The following PCDHGA3 variants were observed in gnomAD, a reference collection of about 807,000 sequenced individuals.
PCDHGA3 encodes protocadherin gamma subfamily A, 3.
Under a neutral mutation model 58.5 loss-of-function variants are expected in PCDHGA3, and 40 were observed. That is an observed-to-expected ratio of 0.68 (90% CI 0.53 to 0.89). The LOEUF (loss-of-function observed/expected upper bound fraction) is 0.89. PCDHGA3 is among the 40% of genes least tolerant of loss of function. The pLI is 0.00. For synonymous variants in PCDHGA3, 530 were observed against 525.7 expected (o/e 1.01, Z -0.11); for missense variants, 1,223 against 1,195.9 (o/e 1.02, Z -0.33).
In PCDHGA3 at chr5:141,384,503, A is replaced by T. The variant is rs761415530; in HGVS notation, c.2424+38046A>T. On this transcript the variant is annotated intron_variant, in intron 1 of 3. Coordinates refer to ENST00000253812, the MANE Select transcript of PCDHGA3 (RefSeq NM_018916.4). ...GAACTACAACTAAGAGTGACTGCACATGACAGCGGGGACCCGCCTCTCAGC... is the reference window on the plus strand; with the variant it reads ...GAACTACAACTAAGAGTGACTGCACTTGACAGCGGGGACCCGCCTCTCAGC... 155 of 1,614,074 alleles carry T rather than the reference A, an allele frequency of 9.6e-5. No individual in the cohort carries two copies. Among genetic ancestry groups the T allele is most frequent in the Non-Finnish European group, 1.3e-4 (153 of 1,180,026 alleles).
At chr5:141,500,026 T>G (rs1297397353) in intron 2 of PCDHGA3, among the ~76,000 whole-genome samples, 1 of 151,974 alleles carries the variant, frequency 6.6e-6, no homozygotes, top group Non-Finnish European at 1.5e-5. Flanking sequence ...TATATTTGAG[T>G]GAGTGTCTCT....
chr5:141,351,459 T>C lies in PCDHGA3; in HGVS notation c.2424+5002T>C, dbSNP rs770562462. On this transcript the variant is annotated intron_variant, in intron 1 of 3. Coordinates refer to ENST00000253812, the MANE Select transcript of PCDHGA3 (RefSeq NM_018916.4). ...TCCACCTCGAAGAATTATTACAAGC[T>C]GGTGATTGCTGGAGCCCTAAACCGG... 17 of 1,613,546 alleles carry C rather than the reference T, an allele frequency of 1.1e-5. No individual in the cohort carries two copies. In the South Asian group the frequency reaches 1.9e-4, roughly 18 times the overall value.
chr5:141,444,710 T>A (rs2098445001), intron 1 of PCDHGA3, among the ~76,000 whole-genome samples: 1 of 152,236 alleles, frequency 6.6e-6, no homozygotes, highest in Admixed American at 6.5e-5. Flanking sequence ...TTCTGTTGAA[T>A]TTGCTTGGTG....
chr5:141,345,795 G>C lies in PCDHGA3; in HGVS notation c.1762G>C (p.Val588Leu). 1 of 1,614,032 alleles carries C rather than the reference G, an allele frequency of 6.2e-7. No homozygotes were observed. Among genetic ancestry groups the C allele is most frequent in the African/African-American group, 1.3e-5 (1 of 75,050 alleles). ...APRSAEPGYL[V>L]TKVVAVDRDS... The stretch of plus-strand genomic sequence containing the variant: ...TCGCTCCGCAGAGCCCGGCTACCTG[G>C]TGACCAAGGTGGTGGCGGTGGACAG... The change falls in exon 1 of 4, where the codon GTG becomes CTG. Residue 588 changes from valine to leucine, a missense_variant. Physicochemically the swap from Val to Leu is conservative, Grantham distance 32. Coordinates refer to ENST00000253812, the MANE Select transcript of PCDHGA3 (RefSeq NM_018916.4).
At chr5:141,364,863 T>C in intron 1 of PCDHGA3, 2 of 1,613,952 alleles carry the variant, frequency 1.2e-6, no homozygotes, top group Non-Finnish European at 1.7e-6. Context: ...AATCTGCACT[T>C]CTCTCTGGAT....
intron 1 of PCDHGA3, chr5:141,366,661 C>A (rs976652914): frequency 1.2e-6 from 2 of 1,614,268 alleles, no homozygotes; most frequent in Admixed American, 3.3e-5. Flanking sequence ...ACTACGCAGA[C>A]ACGCTCCTTA....
chr5:141,492,220 C>T (rs1388948434), intron 1 of PCDHGA3, among the ~76,000 whole-genome samples: 2 of 152,190 alleles, frequency 1.3e-5, no homozygotes, highest in Non-Finnish European at 1.5e-5. Context: ...GGGGCTCATG[C>T]GTGTCCTCCC....
At chr5:141,399,134 A>G (rs2093758534) in intron 1 of PCDHGA3, 6 of 1,613,856 alleles carry the variant, frequency 3.7e-6, no homozygotes, top group Non-Finnish European at 5.1e-6. Flanking sequence ...ATTCAAGATG[A>G]AAATGACAAT....
chr5:141,371,629 G>A (rs749054700), intron 1 of PCDHGA3: 6 of 1,613,866 alleles, frequency 3.7e-6, no homozygotes, highest in South Asian at 1.1e-5. Context: ...GCCCTGGACC[G>A]GGAGCAGATC....
chr5:141,446,639 G>C (rs1461520959), intron 1 of PCDHGA3, among the ~76,000 whole-genome samples: 1 of 152,116 alleles, frequency 6.6e-6, no homozygotes, highest in Non-Finnish European at 1.5e-5. Context: ...ACCACGCCTG[G>C]CTAATTTTTG....
rs149314216 is a variant in PCDHGA3, at chr5:141,487,041, G to A, written c.2425-7766G>A. 2.1e-3 allele frequency: 3,442 copies of A among 1,614,128 alleles called. 3 individuals carry two copies. Among genetic ancestry groups the A allele is most frequent in the Non-Finnish European group, 2.7e-3 (3,235 of 1,180,026 alleles). ...GATCCCAGCCTGTTTGCAGTCTCTC[G>A]ATATGCTGGGGAGGTGCGGACGGCT... On this transcript the variant is annotated intron_variant, in intron 1 of 3. Transcript: ENST00000253812. The surrounding 1 kb of genome is among the most constrained non-coding windows in gnomAD (Gnocchi z 5.0).
At position 141,399,297 on chromosome 5, in the gene PCDHGA3, T is replaced by G. The variant is rs370898446; in HGVS notation, c.2424+52840T>G. On this transcript the variant is annotated intron_variant, in intron 1 of 3. Transcript: ENST00000253812. The stretch of plus-strand genomic sequence containing the variant: ...TACAAGGCGAAGTCCCTTTTAAGAT[T>G]ATCTCTTCATCCAAAAATTCGTATA... 14 of 1,613,948 alleles carry G rather than the reference T, an allele frequency of 8.7e-6. No individual in the cohort carries two copies. The East Asian group carries it at 2.9e-4, about 33-fold the overall frequency.
chr5:141,410,202 A>G (rs766392835), intron 1 of PCDHGA3: 2 of 1,614,018 alleles, frequency 1.2e-6, no homozygotes, highest in Non-Finnish European at 1.7e-6. Flanking sequence ...TTCGCAGACA[A>G]CTTGCAAGAG....
chr5:141,355,938 G>C (rs556759092), intron 1 of PCDHGA3: 1 of 1,613,878 alleles, frequency 6.2e-7, no homozygotes, highest in South Asian at 1.1e-5. Flanking sequence ...CTCAGCCCGA[G>C]TACCACGTAA....
chr5:141,408,510 A>G (rs1298660421), intron 1 of PCDHGA3: 21 of 1,613,870 alleles, frequency 1.3e-5, no homozygotes, highest in Non-Finnish European at 1.8e-5. Context: ...AGAAGATGTG[A>G]GTTGCAATTG....
At chr5:141,407,874 T>C (rs2094995185) in intron 1 of PCDHGA3, 1 of 358,496 alleles carries the variant, frequency 2.8e-6, no homozygotes, top group South Asian at 5.6e-5. Context: ...GAAGAATATA[T>C]ACATTTCGGA....
intron 1 of PCDHGA3, chr5:141,423,611 C>T: frequency 1.1e-5 from 18 of 1,611,094 alleles, no homozygotes; most frequent in Non-Finnish European, 1.5e-5. Flanking sequence ...CTCTTGATAG[C>T]TGAAGACTCA....
At chr5:141,468,668 C>T (rs993230755) in intron 1 of PCDHGA3, 1 of 149,910 alleles carries the variant, frequency 6.7e-6, no homozygotes, top group Admixed American at 6.7e-5. Context: ...AGATCAAGAC[C>T]ATCCTGGCTA....
intron 1 of PCDHGA3, chr5:141,383,160 G>T (rs770719921): frequency 1.9e-6 from 3 of 1,613,316 alleles, no homozygotes; most frequent in Admixed American, 1.7e-5. Context: ...TGGTCACTGC[G>T]GGCAGGATAG....
Sources: gnomAD v4.1 joint callset for allele counts (sites outside exome capture counted in the v4.1 genomes callset) on GRCh38, gnomAD v4.1.1 for gene constraint, Gnocchi (gnomAD v3.1) non-coding constraint, MANE v1.5 for transcripts, NCBI Gene and HGNC (gene_info 2026-07-23, HGNC 2026-07-21) for gene names.